Variants in PIK3C2G observed in about 807,000 individuals in gnomAD.
PIK3C2G encodes phosphatidylinositol-4-phosphate 3-kinase catalytic subunit type 2 gamma.
In PIK3C2G, 168 loss-of-function variants were observed where a neutral mutation model predicts 181.1. The ratio of observed to expected loss-of-function variants is 0.93; its 90% confidence interval spans 0.82 to 1.05. PIK3C2G has a LOEUF of 1.05. Among genes scored for constraint, PIK3C2G ranks in the 50% least tolerant of loss-of-function variants. The probability of loss-of-function intolerance (pLI) is 0.00; values close to 1 mark genes in which losing one functional copy is unlikely to be tolerated. For missense variants in PIK3C2G, 1,869 were observed against 1,732.8 expected (o/e 1.08, Z -1.40); for synonymous variants, 573 against 592.2 (o/e 0.97, Z 0.47).
intron 13 of PIK3C2G, among the ~76,000 whole-genome samples, chr12:18,379,689 G>A (rs777341888): frequency 6.6e-6 from 1 of 152,170 alleles, no homozygotes; most frequent in Admixed American, 6.5e-5. Context: ...GCTTGTTACA[G>A]CTGAAGTCTG....
chr12:18,464,038 T>C (rs1948058543), intron 18 of PIK3C2G, among the ~76,000 whole-genome samples: 1 of 152,092 alleles, frequency 6.6e-6, no homozygotes, highest in Admixed American at 6.6e-5. Flanking sequence ...ATTATTACCT[T>C]CCCCAGAATG....
chr12:18,568,304 A>T (rs1355771817), intron 29 of PIK3C2G, among the ~76,000 whole-genome samples: 2 of 152,094 alleles, frequency 1.3e-5, no homozygotes, highest in Admixed American at 1.3e-4. Flanking sequence ...TTGGACGCCA[A>T]GCCCAAGTTG....
chr12:18,246,141 T>C (rs1475073766), upstream of PIK3C2G, among the ~76,000 whole-genome samples: 1 of 152,100 alleles, frequency 6.6e-6, no homozygotes, highest in African/African-American at 2.4e-5. Context: ...TGATCATCTT[T>C]TGCAAAATCA....
At chr12:18,691,518 G>C in the PIK3C2G span, among the ~76,000 whole-genome samples, 7 of 152,070 alleles carry the variant, frequency 4.6e-5, no homozygotes, top group Admixed American at 1.3e-4. Context: ...TATCTTAAGG[G>C]AAGGCAGAGA....
chr12:18,607,496 T>C (rs1265965694), intron 30 of PIK3C2G, among the ~76,000 whole-genome samples: 2 of 152,132 alleles, frequency 1.3e-5, no homozygotes, highest in Admixed American at 1.3e-4. Flanking sequence ...TGGCTAGCCA[T>C]ATGTAGAAAG....
chr12:18,721,552 C>T, the PIK3C2G span, among the ~76,000 whole-genome samples: 1 of 151,964 alleles, frequency 6.6e-6, no homozygotes, highest in Non-Finnish European at 1.5e-5. Flanking sequence ...AATTTACCAC[C>T]TGAAGTTTAC....
chr12:18,423,193 A>G (rs867411614), intron 17 of PIK3C2G, among the ~76,000 whole-genome samples: 1 of 151,626 alleles, frequency 6.6e-6, no homozygotes, highest in African/African-American at 2.4e-5. Flanking sequence ...TAAATGGTTT[A>G]TCAAACAACT....
intron 18 of PIK3C2G, among the ~76,000 whole-genome samples, chr12:18,480,371 T>C (rs1191977957): frequency 1.1e-4 from 17 of 152,302 alleles, no homozygotes; most frequent in Middle Eastern, 3.4e-3. Flanking sequence ...CAGTCCCTTC[T>C]CTTAAACCCC....
intron 14 of PIK3C2G, 43 bp downstream of exon 14, chr12:18,381,923 T>G (rs1338179437): frequency 8.8e-7 from 1 of 1,135,060 alleles, no homozygotes; most frequent in Non-Finnish European, 1.3e-6. Context: ...TGGCAAGTAT[T>G]GGTTGATACG....
chr12:18,546,460 T>C, intron 26 of PIK3C2G, 28 bp downstream of exon 26: 1 of 1,201,316 alleles, frequency 8.3e-7, no homozygotes, highest in Non-Finnish European at 1.2e-6. Context: ...TGTGTGAGCA[T>C]GCATGCATGA....
intron 29 of PIK3C2G, among the ~76,000 whole-genome samples, chr12:18,588,065 C>A (rs1946884719): frequency 6.6e-6 from 1 of 152,030 alleles, no homozygotes; most frequent in Admixed American, 6.6e-5. Context: ...AAGACTGAAA[C>A]TGGACCCCTT....
chr12:18,409,481 G>A (rs1944732670), intron 16 of PIK3C2G, among the ~76,000 whole-genome samples: 1 of 152,046 alleles, frequency 6.6e-6, no homozygotes, highest in Admixed American at 6.6e-5. Context: ...AACCACCATG[G>A]CATGTGTATA....
chr12:18,257,107 G>A (rs145635186), upstream of PIK3C2G, among the ~76,000 whole-genome samples: 3 of 152,202 alleles, frequency 2.0e-5, no homozygotes, highest in African/African-American at 7.2e-5. Context: ...TAAGGACAAA[G>A]CCTTAAGTAC....
intron 5 of PIK3C2G, among the ~76,000 whole-genome samples, chr12:18,294,781 C>T (rs10841009): frequency 0.36 from 54,087 of 151,590 alleles, 10,176 homozygotes; most frequent in Admixed American, 0.42. Flanking sequence ...TACAGTAGAT[C>T]CCTATTTATA....
chr12:18,480,885 A>C (rs1939491610), intron 18 of PIK3C2G, among the ~76,000 whole-genome samples: 1 of 152,030 alleles, frequency 6.6e-6, no homozygotes, highest in South Asian at 2.1e-4. Flanking sequence ...CTTCAATAAA[A>C]GTTGCTAACA....
chr12:18,706,014 G>C, the PIK3C2G span, among the ~76,000 whole-genome samples: 2 of 151,994 alleles, frequency 1.3e-5, no homozygotes, highest in Admixed American at 6.6e-5. Flanking sequence ...ATCACCTGGG[G>C]TCAGGAGTTC....
chr12:18,628,220 A>T (rs1036215278), intron 31 of PIK3C2G, among the ~76,000 whole-genome samples: 1 of 152,200 alleles, frequency 6.6e-6, no homozygotes, highest in Non-Finnish European at 1.5e-5. Flanking sequence ...GTCATTATGT[A>T]ATAGCTATTA....
At chr12:18,392,900 T>C (rs1943624979) in intron 15 of PIK3C2G, among the ~76,000 whole-genome samples, 1 of 152,080 alleles carries the variant, frequency 6.6e-6, no homozygotes, top group Non-Finnish European at 1.5e-5. Flanking sequence ...GACAGAAAAT[T>C]CTCATAGTCT....
chr12:18,535,229 T>G (rs1943782892), intron 24 of PIK3C2G, among the ~76,000 whole-genome samples: 1 of 152,042 alleles, frequency 6.6e-6, no homozygotes, highest in African/African-American at 2.4e-5. Context: ...TGAAGTTTCT[T>G]TTCATTTATA....
Sources: allele counts gnomAD v4.1 joint callset (sites outside exome capture counted in the v4.1 genomes callset), GRCh38; gene constraint gnomAD v4.1.1; transcripts MANE v1.5; gene names NCBI Gene and HGNC (gene_info 2026-07-23, HGNC 2026-07-21).